The following TM9SF2 variants were observed in gnomAD, a reference collection of about 807,000 sequenced individuals.
TM9SF2 encodes 76 kDa membrane protein.
TM9SF2 carries 13 observed loss-of-function variants against 84.9 expected under a neutral mutation model. The observed-to-expected ratio is 0.15, with a 90% CI of 0.10 to 0.24. The LOEUF (loss-of-function observed/expected upper bound fraction) is 0.24. TM9SF2 is among the 10% of genes least tolerant of loss of function. TM9SF2 has a pLI of 1.00. For missense variants in TM9SF2, 562 were observed against 818.5 expected, an observed-to-expected ratio of 0.69 and a Z score of 3.82; for synonymous variants, 273 against 285.8, an observed-to-expected ratio of 0.96 and a Z score of 0.45.
At chr13:99,532,953 T>G (rs2046217217) in intron 4 of TM9SF2, among the ~76,000 whole-genome samples, 1 of 152,234 alleles carries the variant, frequency 6.6e-6, no homozygotes, top group South Asian at 2.1e-4. Context: ...AACCCTTAAA[T>G]CAGTTCAGTA....
chr13:99,542,500 A>T (rs2046264690), intron 9 of TM9SF2, among the ~76,000 whole-genome samples: 2 of 152,192 alleles, frequency 1.3e-5, no homozygotes, highest in South Asian at 4.1e-4. Context: ...ATTTCATGGC[A>T]GCATAATAAA....
intron 1 of TM9SF2, among the ~76,000 whole-genome samples, chr13:99,516,513 A>G (rs1293832829): frequency 1.3e-5 from 2 of 152,142 alleles, no homozygotes; most frequent in Non-Finnish European, 2.9e-5. Context: ...TCAGCTAGTA[A>G]ATTCTGTCAT....
At chr13:99,546,614 G>A (rs981311814) in intron 10 of TM9SF2, among the ~76,000 whole-genome samples, 1 of 151,202 alleles carries the variant, frequency 6.6e-6, no homozygotes, top group Non-Finnish European at 1.5e-5. Context: ...TTTAATGAAA[G>A]AACAGTGGGA....
intron 13 of TM9SF2, among the ~76,000 whole-genome samples, chr13:99,553,779 A>G (rs2046315062): frequency 6.6e-6 from 1 of 152,162 alleles, no homozygotes; most frequent in South Asian, 2.1e-4. Context: ...CATGAAAGGG[A>G]GAATAGTCGA....
chr13:99,521,789 C>T (rs1182414490), intron 3 of TM9SF2, among the ~76,000 whole-genome samples: 2 of 152,104 alleles, frequency 1.3e-5, no homozygotes, highest in African/African-American at 4.8e-5. Context: ...TTACTGCAGC[C>T]TCAGACTCCT....
chr13:99,515,913 G>C (rs1227390344), intron 1 of TM9SF2, among the ~76,000 whole-genome samples: 1 of 151,938 alleles, frequency 6.6e-6, no homozygotes, highest in African/African-American at 2.4e-5. Flanking sequence ...TGTATTTTTA[G>C]TAGAAACGGG....
chr13:99,546,883 T>G, intron 10 of TM9SF2, 102 bp from the exon 11 acceptor site: 3 of 1,521,278 alleles, frequency 2.0e-6, no homozygotes, highest in Non-Finnish European at 2.7e-6. Flanking sequence ...TGCGTGAAGT[T>G]GTATTTTTTT....
At chr13:99,502,732 C>T (rs545580592) in intron 1 of TM9SF2, among the ~76,000 whole-genome samples, 1 of 152,274 alleles carries the variant, frequency 6.6e-6, no homozygotes, top group South Asian at 2.1e-4. Context: ...ATGAGGATCT[C>T]TTTGAAACCT....
At chr13:99,536,513 T>C in intron 4 of TM9SF2, 95 bp from the exon 5 acceptor site, 1 of 1,455,208 alleles carries the variant, frequency 6.9e-7, no homozygotes, top group Non-Finnish European at 9.3e-7. Context: ...ATTTACACAT[T>C]TAAATTTTAC....
At chr13:99,507,260 A>G (rs906197399) in intron 1 of TM9SF2, among the ~76,000 whole-genome samples, 1 of 152,200 alleles carries the variant, frequency 6.6e-6, no homozygotes, top group Non-Finnish European at 1.5e-5. Flanking sequence ...TTCTACTCTG[A>G]GCACTCTTCT....
chr13:99,533,916 A>G (rs927886144), intron 4 of TM9SF2, among the ~76,000 whole-genome samples: 14 of 151,986 alleles, frequency 9.2e-5, no homozygotes, highest in African/African-American at 9.7e-5. Flanking sequence ...TGATCTACCC[A>G]CCTTGGCCTC....
rs370670672 is a variant in TM9SF2, at chr13:99,562,587, G to A, written c.1925-104G>A. The A allele has an allele frequency of 5.3e-5, 58 of 1,086,450 alleles. No individual in the cohort carries two copies. The East Asian group carries it at 7.6e-4, about 14-fold the overall frequency. The allele number at this position is 1,086,450 out of a possible 1,614,324, so 67.3% of individuals were successfully genotyped here. A position where few individuals can be genotyped will look rare whatever the true frequency, so the allele number is the denominator to read the frequency against. On this transcript the variant is annotated intron_variant, in intron 16 of 16. Transcript: ENST00000376387. Reference sequence around the variant, plus strand: ...TATTCCCGGTGGGTAATAGTTTATAGTTTTGCGACTTTTTTAAGGAACCAG... The same window carrying A: ...TATTCCCGGTGGGTAATAGTTTATAATTTTGCGACTTTTTTAAGGAACCAG...
At chr13:99,558,614 AT>A (rs2046333235) in intron 15 of TM9SF2, among the ~76,000 whole-genome samples, 2 of 151,926 alleles carry the variant, frequency 1.3e-5, no homozygotes, top group Middle Eastern at 3.4e-3. Context: ...GGGTTTTTAA[AT>A]TTTCTTCTCA....
intron 5 of TM9SF2, among the ~76,000 whole-genome samples, chr13:99,537,320 G>A (rs1364652353): frequency 2.0e-5 from 3 of 152,168 alleles, no homozygotes; most frequent in African/African-American, 7.2e-5. Context: ...ATATCAGTTA[G>A]TGCTTTTGTG....
At chr13:99,509,498 GTGCC>G (rs1410446630) in intron 1 of TM9SF2, among the ~76,000 whole-genome samples, 1 of 152,180 alleles carries the variant, frequency 6.6e-6, no homozygotes, top group Non-Finnish European at 1.5e-5. Flanking sequence ...TGAACTCTGT[GTGCC>G]TGCAGGCTTA....
chr13:99,552,486 G>A (rs969623920), intron 13 of TM9SF2, among the ~76,000 whole-genome samples, 160 bp downstream of exon 13: 2 of 152,180 alleles, frequency 1.3e-5, no homozygotes, highest in Non-Finnish European at 2.9e-5. Context: ...ATTTAGGAGC[G>A]TGGTAGAGAG....
At chr13:99,509,407 C>G (rs1465329755) in intron 1 of TM9SF2, among the ~76,000 whole-genome samples, 2 of 152,252 alleles carry the variant, frequency 1.3e-5, no homozygotes, top group Non-Finnish European at 2.9e-5. Context: ...GGCTCCATCC[C>G]TGCAGCAGGC....
At chr13:99,519,387 A>G (rs2046149247) in intron 2 of TM9SF2, among the ~76,000 whole-genome samples, 1 of 151,974 alleles carries the variant, frequency 6.6e-6, no homozygotes, top group Non-Finnish European at 1.5e-5. Context: ...GATATTCCCC[A>G]TATCATTCCA....
chr13:99,511,476 C>T (rs550224987), intron 1 of TM9SF2, among the ~76,000 whole-genome samples: 1 of 152,210 alleles, frequency 6.6e-6, no homozygotes, highest in East Asian at 1.9e-4. Flanking sequence ...ATTTCTTTGT[C>T]TTGCTGCAAG....
Sources: gnomAD v4.1 joint callset for allele counts (sites outside exome capture counted in the v4.1 genomes callset) on GRCh38, gnomAD v4.1.1 for gene constraint, MANE v1.5 for transcripts, NCBI Gene and HGNC (gene_info 2026-07-23, HGNC 2026-07-21) for gene names.